The following MBNL3 variants were observed in gnomAD, a reference collection of about 807,000 sequenced individuals.
MBNL3 encodes the protein muscleblind-like protein 3.
MBNL3 carries 6 observed loss-of-function variants against 24.5 expected under a neutral mutation model. That is an observed-to-expected ratio of 0.25 (90% CI 0.13 to 0.48). The LOEUF (loss-of-function observed/expected upper bound fraction) is 0.48. MBNL3 is among the 20% of genes least tolerant of loss of function. MBNL3 has a pLI of 0.99. For synonymous variants in MBNL3, 100 were observed against 101.7 expected, an observed-to-expected ratio of 0.98 and a Z score of 0.10; for missense variants, 230 against 293.5, an observed-to-expected ratio of 0.78 and a Z score of 1.58.
chrX:132,438,346 A>G (rs1388384259), intron 2 of MBNL3, among the ~76,000 whole-genome samples: 1 of 111,885 alleles, frequency 8.9e-6, no homozygotes, highest in Admixed American at 9.5e-5. Context: ...TTCAGATAAG[A>G]GATACTTAAC....
intron 3 of MBNL3, among the ~76,000 whole-genome samples, chrX:132,402,100 C>A (rs1307681640): frequency 1.8e-5 from 2 of 111,599 alleles, no homozygotes; most frequent in African/African-American, 6.5e-5. Flanking sequence ...GAATAGCATA[C>A]AACAGAACCT....
At chrX:132,447,659 C>T (rs775571564) in intron 1 of MBNL3, among the ~76,000 whole-genome samples, 1 of 111,933 alleles carries the variant, frequency 8.9e-6, no homozygotes. Flanking sequence ...TGGGCTGAGA[C>T]GATGGGATTT....
intron 1 of MBNL3, among the ~76,000 whole-genome samples, chrX:132,442,401 C>T (rs1603251625): frequency 1.8e-5 from 2 of 111,900 alleles, no homozygotes; most frequent in South Asian, 7.4e-4. Context: ...AGTAGTGTTA[C>T]TAAGTTGAAT....
At chrX:132,381,233 C>A in intron 8 of MBNL3, 2 of 378,127 alleles carry the variant, frequency 5.3e-6, no homozygotes, top group Non-Finnish European at 4.4e-6. Context: ...ATGTGTAAAT[C>A]AAGCTCTACA....
At chrX:132,403,846 A>G (rs758429063) in intron 3 of MBNL3, among the ~76,000 whole-genome samples, 2 of 111,831 alleles carry the variant, frequency 1.8e-5, no homozygotes, top group Non-Finnish European at 3.8e-5. Context: ...TAAATGCTCC[A>G]GCTCTGTAGG....
Position 132,378,532 on chromosome X carries a change from G to A in MBNL3, c.*1134C>T, listed in dbSNP as rs1404593402. On this transcript the variant is annotated 3_prime_UTR_variant, in exon 9 of 9. Coordinates refer to ENST00000370853, the MANE Select transcript of MBNL3 (RefSeq NM_001386889.1). Reference sequence around the variant, plus strand: ...ATGAGCCATTTGCATTTGGAAAATGGCATTTGTGTAAAAGGTGACATTGCC... The same window carrying A: ...ATGAGCCATTTGCATTTGGAAAATGACATTTGTGTAAAAGGTGACATTGCC... 2 of 111,820 alleles carry A rather than the reference G, an allele frequency of 1.8e-5. No homozygotes were observed. The highest frequency in any genetic ancestry group is 2.8e-4 in the East Asian group (1 of 3,569). 9.2% of individuals were successfully genotyped at this position (111,820 alleles called of 1,213,427 possible). A position where few individuals can be genotyped will look rare whatever the true frequency, so the allele number is the denominator to read the frequency against.
intron 1 of MBNL3, among the ~76,000 whole-genome samples, chrX:132,457,540 T>G (rs772269597): frequency 9.0e-6 from 1 of 111,031 alleles, no homozygotes; most frequent in South Asian, 3.8e-4. Context: ...TCCATCAAAG[T>G]TGATGGATTC....
chrX:132,463,404 C>T (rs1362174687), intron 1 of MBNL3, among the ~76,000 whole-genome samples: 1 of 111,726 alleles, frequency 9.0e-6, no homozygotes, highest in Non-Finnish European at 1.9e-5. Context: ...GCAGAGCTTG[C>T]AGTGAGCCGA....
intron 2 of MBNL3, among the ~76,000 whole-genome samples, chrX:132,421,866 T>G (rs1943851186): frequency 9.0e-6 from 1 of 111,437 alleles, no homozygotes; most frequent in Non-Finnish European, 1.9e-5. Context: ...AAGTCATTTT[T>G]TCCTGGTAAG....
In MBNL3 at chrX:132,423,666, C is replaced by CT. The variant is rs200645197; in HGVS notation, c.177+15768dup. On this transcript the variant is annotated intron_variant, in intron 2 of 8. Transcript: ENST00000370853. ...AACACATCTCATACAACCCTTTCTC[C>CT]TTTTTTCCTAATGAAAAAAAGTAAA... Among the ~76,000 whole-genome samples the CT allele has an allele frequency of 7.3e-3, 815 of 111,687 alleles. 4 individuals carry two copies. The highest frequency in any genetic ancestry group is 0.025 in the African/African-American group (774 of 30,697).
Position 132,439,699 on chromosome X carries a change from G to C in MBNL3, c.-88C>G, listed in dbSNP as rs998593775. ...AGGATTAAAAATGAATTCAAACTAA[G>C]TGCGAAGAGATAACAGGTTGCTTTG... is the stretch of plus-strand genomic sequence containing the variant. On this transcript the variant is annotated 5_prime_UTR_variant, in exon 2 of 9. Coordinates refer to ENST00000370853, the MANE Select transcript of MBNL3 (RefSeq NM_001386889.1). 4.7e-6 allele frequency: 5 copies of C among 1,054,580 alleles called. No individual in the cohort carries two copies. The highest frequency in any genetic ancestry group is 6.1e-6 in the Non-Finnish European group (5 of 816,413). 86.9% of individuals were successfully genotyped at this position (1,054,580 alleles called of 1,213,427 possible). A position where few individuals can be genotyped will look rare whatever the true frequency, so the allele number is the denominator to read the frequency against.
rs1385794081 is a variant in MBNL3, at chrX:132,372,238, G to T, written c.*7428C>A. On this transcript the variant is annotated 3_prime_UTR_variant, in exon 9 of 9. Coordinates refer to ENST00000370853, the MANE Select transcript of MBNL3 (RefSeq NM_001386889.1). Reference sequence around the variant, plus strand: ...TCATTATTTAAATATGTTACACATGGCTAATAATTTTCTTATATATATTTT... The same window carrying T: ...TCATTATTTAAATATGTTACACATGTCTAATAATTTTCTTATATATATTTT... 8.2e-5 allele frequency: 9 copies of T among 110,015 alleles called. No individual in the cohort carries two copies. Among genetic ancestry groups the T allele is most frequent in the Non-Finnish European group, 1.5e-4 (8 of 52,580 alleles). 9.1% of individuals were successfully genotyped at this position (110,015 alleles called of 1,213,427 possible).
At chrX:132,488,201 TCTAGCTAGCTAGCTAG>T (rs746158801) in intron 1 of MBNL3, among the ~76,000 whole-genome samples, 1 of 110,454 alleles carries the variant, frequency 9.1e-6, no homozygotes. Context: ...TTATCTATCA[TCTAGCTAGCTAGCTAG>T]CTAGCTAGCT....
At chrX:132,381,232 T>C (rs1934875081) in intron 8 of MBNL3, 1 of 380,348 alleles carries the variant, frequency 2.6e-6, no homozygotes, top group African/African-American at 2.6e-5. Context: ...AATGTGTAAA[T>C]CAAGCTCTAC....
At chrX:132,486,432 TG>T (rs1191298453) in intron 1 of MBNL3, among the ~76,000 whole-genome samples, 6 of 111,817 alleles carry the variant, frequency 5.4e-5, no homozygotes, top group African/African-American at 2.0e-4. Context: ...GCTGTGATAC[TG>T]GGAAGTATCA....
chrX:132,485,102 T>C (rs544350796), intron 1 of MBNL3, among the ~76,000 whole-genome samples: 42 of 111,916 alleles, frequency 3.8e-4, no homozygotes, highest in African/African-American at 1.3e-3. Context: ...CAGAGTGACA[T>C]CACTATATCA....
chrX:132,433,667 G>A (rs776155725), intron 2 of MBNL3, among the ~76,000 whole-genome samples: 2 of 112,051 alleles, frequency 1.8e-5, no homozygotes, highest in South Asian at 7.4e-4. Flanking sequence ...GCTTTCCCCC[G>A]ATTATGTCAA....
At chrX:132,387,356 T>C (rs1397751712) in intron 5 of MBNL3, among the ~76,000 whole-genome samples, 3 of 98,257 alleles carry the variant, frequency 3.1e-5, no homozygotes, top group Non-Finnish European at 6.2e-5. Flanking sequence ...AAAAAAAAGG[T>C]TTTCAACTTC....
At chrX:132,396,653 C>T (rs186308843) in intron 3 of MBNL3, among the ~76,000 whole-genome samples, 1 of 7,497 alleles carries the variant, frequency 1.3e-4, no homozygotes, top group Non-Finnish European at 2.3e-4. Flanking sequence ...TATATATTCA[C>T]ATATATATTC....
Sources: gnomAD v4.1 joint callset for allele counts (sites outside exome capture counted in the v4.1 genomes callset) on GRCh38, gnomAD v4.1.1 for gene constraint, MANE v1.5 for transcripts, NCBI Gene and HGNC (gene_info 2026-07-23, HGNC 2026-07-21) for gene names.